GPC6: variants seen among roughly 807,000 people sequenced by gnomAD.
The protein encoded by GPC6 is glypican 6.
GPC6 carries 14 observed loss-of-function variants against 55.2 expected under a neutral mutation model. The ratio of observed to expected loss-of-function variants is 0.25; its 90% CI spans 0.17 to 0.40. The LOEUF (loss-of-function observed/expected upper bound fraction) is 0.40. Ranked by LOEUF, GPC6 falls within the 10% of genes least tolerant of loss-of-function variation. GPC6 has a pLI of 1.00. For missense variants in GPC6, 641 were observed against 708.5 expected (o/e 0.90, Z 1.08); for synonymous variants, 278 against 259.6 (o/e 1.07, Z -0.68).
chr13:93,904,856 A>G (rs1239295333), intron 3 of GPC6, among the ~76,000 whole-genome samples: 1 of 152,006 alleles, frequency 6.6e-6, no homozygotes, highest in Non-Finnish European at 1.5e-5. Flanking sequence ...TACATGTGCC[A>G]TGCTGGTGTG....
intron 3 of GPC6, among the ~76,000 whole-genome samples, chr13:93,981,307 A>C (rs1354150389): frequency 6.6e-6 from 1 of 152,218 alleles, no homozygotes; most frequent in Non-Finnish European, 1.5e-5. Context: ...TTTCAAGTAC[A>C]TAAATAATTT....
chr13:93,994,921 T>A (rs1447756929), intron 3 of GPC6, among the ~76,000 whole-genome samples: 2 of 152,170 alleles, frequency 1.3e-5, no homozygotes, highest in Admixed American at 1.3e-4. Context: ...GCAAACCTTA[T>A]GTTTTAGTGG....
At chr13:94,206,843 AC>A (rs796966059) in intron 4 of GPC6, among the ~76,000 whole-genome samples, 3 of 152,200 alleles carry the variant, frequency 2.0e-5, no homozygotes, top group African/African-American at 7.2e-5. Flanking sequence ...ACAGCGTGAG[AC>A]CCTGTTTCAA....
chr13:93,800,117 G>A (rs952017442), intron 2 of GPC6, among the ~76,000 whole-genome samples: 2 of 152,074 alleles, frequency 1.3e-5, no homozygotes, highest in Non-Finnish European at 2.9e-5. Context: ...TGCATTTATT[G>A]TATTTTAAGA....
intron 6 of GPC6, among the ~76,000 whole-genome samples, chr13:94,352,069 C>T (rs1878577950): frequency 6.6e-6 from 1 of 151,984 alleles, no homozygotes; most frequent in Non-Finnish European, 1.5e-5. Context: ...CTACCCACTC[C>T]TCTCTCTGTC....
chr13:93,819,329 A>G (rs572328896), intron 2 of GPC6, among the ~76,000 whole-genome samples: 82 of 152,292 alleles, frequency 5.4e-4, no homozygotes, highest in African/African-American at 1.9e-3. Context: ...TGTTTAGGTG[A>G]AGAAGGAACG....
chr13:93,412,151 T>C (rs1190383376), intron 1 of GPC6, among the ~76,000 whole-genome samples: 1 of 152,152 alleles, frequency 6.6e-6, no homozygotes, highest in Non-Finnish European at 1.5e-5. Flanking sequence ...AAATAATAAG[T>C]GGAGAGGACT....
chr13:93,906,688 A>G (rs1186921131), intron 3 of GPC6, among the ~76,000 whole-genome samples: 1 of 152,166 alleles, frequency 6.6e-6, no homozygotes, highest in Non-Finnish European at 1.5e-5. Flanking sequence ...GGTGTATTCA[A>G]ATGACGTTTA....
intron 1 of GPC6, among the ~76,000 whole-genome samples, chr13:93,348,674 A>G (rs1479190043): frequency 3.9e-5 from 6 of 152,180 alleles, no homozygotes; most frequent in Non-Finnish European, 7.3e-5. Context: ...TTTGGAAAAG[A>G]TTTTGTCTTT....
chr13:94,033,677 T>C (rs896827589), intron 4 of GPC6, among the ~76,000 whole-genome samples: 2 of 152,216 alleles, frequency 1.3e-5, no homozygotes. Context: ...CAAGAAACTC[T>C]TTTAGTTACA....
At chr13:93,359,109 G>A (rs1424124301) in intron 1 of GPC6, among the ~76,000 whole-genome samples, 1 of 151,422 alleles carries the variant, frequency 6.6e-6, no homozygotes, top group Non-Finnish European at 1.5e-5. Context: ...TAGGGCTACA[G>A]ATGCGTGCCA....
intron 2 of GPC6, among the ~76,000 whole-genome samples, chr13:93,648,041 G>T (rs1011840808): frequency 6.6e-6 from 1 of 152,084 alleles, no homozygotes; most frequent in Non-Finnish European, 1.5e-5. Flanking sequence ...CTTGAAAATG[G>T]TTCAGGGATG....
At chr13:93,353,684 T>C (rs973853234) in intron 1 of GPC6, among the ~76,000 whole-genome samples, 3 of 152,240 alleles carry the variant, frequency 2.0e-5, no homozygotes, top group African/African-American at 7.2e-5. Context: ...TTTCAGCACG[T>C]GAGGCTGTCT....
intron 3 of GPC6, among the ~76,000 whole-genome samples, chr13:94,007,245 T>C (rs556493151): frequency 1.3e-5 from 2 of 152,222 alleles, no homozygotes; most frequent in Admixed American, 6.5e-5. Flanking sequence ...CATTAATTCA[T>C]TGAAACACTC....
rs987412359 is a variant in GPC6, at chr13:93,494,004, T to C, written c.161-51259T>C. Among the ~76,000 whole-genome samples the C allele has an allele frequency of 2.3e-5, 3 of 127,812 alleles. 1 individual carries two copies. The highest frequency in any genetic ancestry group is 5.0e-5 in the Non-Finnish European group (3 of 59,692). 83.8% of individuals were successfully genotyped at this position (127,812 alleles called of 152,430 possible). On this transcript the variant is annotated intron_variant, in intron 1 of 8. Coordinates refer to ENST00000377047, the MANE Select transcript of GPC6 (RefSeq NM_005708.5). ...CTGAAAAAAATGTATATTCTGTTGA[T>C]TTGTGGTGGAGAGTTCTGTAGATGT...
intron 1 of GPC6, among the ~76,000 whole-genome samples, chr13:93,447,274 C>T (rs1051312256): frequency 1.3e-5 from 2 of 152,150 alleles, no homozygotes; most frequent in Middle Eastern, 3.2e-3. Context: ...GTAACATTTA[C>T]ATTTTAGATA....
intron 1 of GPC6, among the ~76,000 whole-genome samples, chr13:93,375,241 A>G (rs1407677755): frequency 6.6e-6 from 1 of 152,212 alleles, no homozygotes; most frequent in African/African-American, 2.4e-5. Context: ...AAACAAAACA[A>G]TGGCTTTAAG....
intron 4 of GPC6, among the ~76,000 whole-genome samples, chr13:94,193,565 G>A (rs1255114359): frequency 2.0e-5 from 3 of 152,102 alleles, no homozygotes; most frequent in African/African-American, 7.2e-5. Flanking sequence ...GTGAGCATGC[G>A]GCATGCCAGA....
chr13:93,721,657 T>C (rs183075840), intron 2 of GPC6, among the ~76,000 whole-genome samples: 166 of 151,940 alleles, frequency 1.1e-3, no homozygotes, highest in African/African-American at 4.0e-3. Flanking sequence ...TGTTTACTTT[T>C]CTAAGAGCAA....
Sources: gnomAD v4.1 joint callset for allele counts (sites outside exome capture counted in the v4.1 genomes callset) on GRCh38, gnomAD v4.1.1 for gene constraint, MANE v1.5 for transcripts, NCBI Gene and HGNC (gene_info 2026-07-23, HGNC 2026-07-21) for gene names.